GPC5: variants seen among roughly 807,000 people sequenced by gnomAD.
GPC5 encodes glypican-5.
GPC5 carries 47 observed loss-of-function variants against 53.9 expected under a neutral mutation model. That is an observed-to-expected ratio of 0.87 (90% CI 0.69 to 1.11). The LOEUF (loss-of-function observed/expected upper bound fraction) is 1.11, where lower values mean the gene tolerates loss of function less well. Ranked by LOEUF, GPC5 falls within the 50% of genes most tolerant of loss-of-function variation. The pLI is 0.00. For synonymous variants in GPC5, 286 were observed against 263.3 expected (o/e 1.09, Z -0.84); for missense variants, 748 against 713.1 (o/e 1.05, Z -0.56).
intron 7 of GPC5, among the ~76,000 whole-genome samples, chr13:92,753,800 A>G (rs1874708290): frequency 6.6e-6 from 1 of 152,202 alleles, no homozygotes; most frequent in African/African-American, 2.4e-5. Context: ...AAAAGAAATG[A>G]GCAAAGCCTC....
At chr13:91,425,941 G>T (rs1879011728) in intron 1 of GPC5, among the ~76,000 whole-genome samples, 1 of 152,112 alleles carries the variant, frequency 6.6e-6, no homozygotes, top group Non-Finnish European at 1.5e-5. Context: ...AGATGGAGAT[G>T]AGGGACTTAT....
intron 7 of GPC5, among the ~76,000 whole-genome samples, chr13:92,539,127 A>G (rs1295917338): frequency 6.7e-6 from 1 of 149,930 alleles, no homozygotes; most frequent in Non-Finnish European, 1.5e-5. Flanking sequence ...ATATAGTAGA[A>G]TGATTTATAA....
chr13:91,416,137 A>G (rs1878202620), intron 1 of GPC5, among the ~76,000 whole-genome samples: 1 of 152,158 alleles, frequency 6.6e-6, no homozygotes, highest in Non-Finnish European at 1.5e-5. Context: ...AAGTACCTTG[A>G]GGAGGGAGGC....
At chr13:91,466,999 C>T (rs1882282334) in intron 2 of GPC5, among the ~76,000 whole-genome samples, 1 of 152,066 alleles carries the variant, frequency 6.6e-6, no homozygotes, top group African/African-American at 2.4e-5. Context: ...GAAATGCATC[C>T]AAATCTGAAC....
At chr13:92,421,126 T>G (rs920141251) in intron 7 of GPC5, among the ~76,000 whole-genome samples, 5 of 152,234 alleles carry the variant, frequency 3.3e-5, no homozygotes, top group African/African-American at 9.6e-5. Context: ...AGTACATGCT[T>G]TAATGACATC....
intron 7 of GPC5, among the ~76,000 whole-genome samples, chr13:92,196,426 T>C (rs1385677405): frequency 6.6e-6 from 1 of 152,192 alleles, no homozygotes; most frequent in Non-Finnish European, 1.5e-5. Context: ...TTAATTGAAA[T>C]GGTTTTTTAA....
rs572869281 is a variant in GPC5, at chr13:91,631,667, A to G, written c.326-61520A>G. Reference sequence around the variant, plus strand: ...ATCTCCCTTTCTTTGCAAGCAGGACAAAGTGAGTGAACTGGCAATTAAAAG... The same window carrying G: ...ATCTCCCTTTCTTTGCAAGCAGGACGAAGTGAGTGAACTGGCAATTAAAAG... On this transcript the variant is annotated intron_variant, in intron 2 of 7. Transcript: ENST00000377067. 6.6e-5 allele frequency among the ~76,000 whole-genome samples: 10 copies of G among 152,180 alleles called. No homozygotes were observed. In the South Asian group the frequency reaches 2.1e-3, roughly 32 times the overall value.
At chr13:91,589,006 T>A (rs2032699916) in intron 2 of GPC5, among the ~76,000 whole-genome samples, 4 of 152,040 alleles carry the variant, frequency 2.6e-5, no homozygotes, top group Non-Finnish European at 5.9e-5. Flanking sequence ...GGGTGGAAAA[T>A]TTTCTCCCAT....
rs548447435 is a variant in GPC5, at chr13:92,042,158, G to A, written c.1402-102672G>A. ...TGTGCACCAAGCTTAGTATGGGGAG[G>A]GCCACTTCCCCCCATGCAGCCTCCA... is the stretch of plus-strand genomic sequence containing the variant. On this transcript the variant is annotated intron_variant, in intron 6 of 7. Transcript: ENST00000377067. Among the ~76,000 whole-genome samples the A allele has an allele frequency of 3.9e-5, 6 of 152,122 alleles. No homozygotes were observed. The East Asian group carries it at 9.7e-4, about 25-fold the overall frequency.
chr13:92,302,283 A>G (rs2043081279), intron 7 of GPC5, among the ~76,000 whole-genome samples: 1 of 152,168 alleles, frequency 6.6e-6, no homozygotes, highest in Non-Finnish European at 1.5e-5. Flanking sequence ...CCCATAGGGA[A>G]AAGAATAAAG....
chr13:91,842,962 T>G (rs1237209215), intron 5 of GPC5, among the ~76,000 whole-genome samples: 2 of 152,116 alleles, frequency 1.3e-5, no homozygotes, highest in Non-Finnish European at 2.9e-5. Context: ...TTGTTACGAG[T>G]CATGTGATTT....
intron 7 of GPC5, among the ~76,000 whole-genome samples, chr13:92,581,307 A>C (rs549838151): frequency 6.6e-6 from 1 of 152,260 alleles, no homozygotes; most frequent in Admixed American, 6.5e-5. Flanking sequence ...GCATGTAAGC[A>C]AGATCATGTG....
intron 7 of GPC5, among the ~76,000 whole-genome samples, chr13:92,389,860 A>G (rs1246509975): frequency 4.6e-5 from 7 of 152,214 alleles, no homozygotes; most frequent in African/African-American, 7.2e-5. Context: ...TTTTCAGTCC[A>G]TACATTTAAG....
At chr13:91,479,613 G>A (rs919046837) in intron 2 of GPC5, among the ~76,000 whole-genome samples, 2 of 152,126 alleles carry the variant, frequency 1.3e-5, no homozygotes, top group African/African-American at 4.8e-5. Context: ...TAATGCTTGA[G>A]TCATGTAGTT....
chr13:91,654,379 A>C (rs890131822), intron 2 of GPC5, among the ~76,000 whole-genome samples: 1 of 152,176 alleles, frequency 6.6e-6, no homozygotes. Flanking sequence ...ATGCTTAAAT[A>C]ATGGATTCGG....
At chr13:92,769,214 G>T (rs767554467) in intron 7 of GPC5, among the ~76,000 whole-genome samples, 1 of 152,120 alleles carries the variant, frequency 6.6e-6, no homozygotes, top group Non-Finnish European at 1.5e-5. Flanking sequence ...TGCTGGGAAG[G>T]TTGCATCATT....
intron 5 of GPC5, among the ~76,000 whole-genome samples, chr13:91,902,616 A>G (rs563703964): frequency 2.6e-5 from 4 of 152,072 alleles, no homozygotes; most frequent in Admixed American, 6.6e-5. Flanking sequence ...TTTCAAGTCA[A>G]GAGACTTCTG....
At chr13:92,047,043 A>G (rs1317790294) in intron 6 of GPC5, among the ~76,000 whole-genome samples, 2 of 152,172 alleles carry the variant, frequency 1.3e-5, no homozygotes, top group Non-Finnish European at 2.9e-5. Flanking sequence ...CCTAGCACAG[A>G]GAATTCAATT....
chr13:91,796,902 G>A (rs2038055752), intron 5 of GPC5, among the ~76,000 whole-genome samples: 1 of 152,092 alleles, frequency 6.6e-6, no homozygotes, highest in Non-Finnish European at 1.5e-5. Context: ...TTGCAAGGGT[G>A]TATTTAGTTT....
Sources: gnomAD v4.1 joint callset for allele counts (sites outside exome capture counted in the v4.1 genomes callset) on GRCh38, gnomAD v4.1.1 for gene constraint, MANE v1.5 for transcripts, NCBI Gene and HGNC (gene_info 2026-07-23, HGNC 2026-07-21) for gene names.